RAB7A: variants seen among roughly 807,000 people sequenced by gnomAD.
RAB7A encodes the protein ras-related protein Rab-7a.
Under a neutral mutation model 24.5 loss-of-function variants are expected in RAB7A, and 2 were observed. The observed-to-expected ratio is 0.08, with a 90% CI of 0.03 to 0.26. The LOEUF (loss-of-function observed/expected upper bound fraction) is 0.26, where lower values mean the gene tolerates loss of function less well. Among genes scored for constraint, RAB7A ranks in the 10% least tolerant of loss-of-function variants. RAB7A has a pLI of 1.00. For missense variants in RAB7A, 118 were observed against 255.7 expected, an observed-to-expected ratio of 0.46 and a Z score of 3.67; for synonymous variants, 100 against 95.9, an observed-to-expected ratio of 1.04 and a Z score of -0.25.
intron 1 of RAB7A, among the ~76,000 whole-genome samples, chr3:128,791,857 G>A (rs921103435): frequency 6.6e-6 from 1 of 152,126 alleles, no homozygotes; most frequent in African/African-American, 2.4e-5. Context: ...TGCAAGAACT[G>A]CTGCTGCTGA....
At chr3:128,772,957 C>A (rs1373587323) in intron 1 of RAB7A, among the ~76,000 whole-genome samples, 1 of 152,196 alleles carries the variant, frequency 6.6e-6, no homozygotes, top group East Asian at 1.9e-4. Flanking sequence ...CACCTCCCAG[C>A]CGCCTGCCTT....
At chr3:128,734,341 C>T (rs140313805) in intron 1 of RAB7A, among the ~76,000 whole-genome samples, 60 of 150,416 alleles carry the variant, frequency 4.0e-4, no homozygotes, top group African/African-American at 1.4e-3. Flanking sequence ...TGAGACATGA[C>T]AATCGCTCGA....
intron 1 of RAB7A, among the ~76,000 whole-genome samples, chr3:128,776,962 A>G (rs1933106015): frequency 6.6e-6 from 1 of 151,524 alleles, no homozygotes; most frequent in African/African-American, 2.4e-5. Flanking sequence ...ACACACACAC[A>G]CACACACACA....
chr3:128,768,969 CTTTTTTTT>C (rs35457218), intron 1 of RAB7A, among the ~76,000 whole-genome samples: 145 of 72,612 alleles, frequency 2.0e-3, no homozygotes, highest in Admixed American at 9.3e-3. Flanking sequence ...TCTTTCTTTC[CTTTTTTTT>C]TTTTTTTTTT....
intron 1 of RAB7A, among the ~76,000 whole-genome samples, chr3:128,744,317 A>T (rs756682065): frequency 4.6e-5 from 7 of 152,206 alleles, no homozygotes; most frequent in African/African-American, 7.2e-5. Flanking sequence ...AATAACTGAG[A>T]TGAAAACTTT....
chr3:128,758,439 A>ATT (rs71618163), intron 1 of RAB7A, among the ~76,000 whole-genome samples: 1 of 150,250 alleles, frequency 6.7e-6, no homozygotes, highest in Non-Finnish European at 1.5e-5. Context: ...CGCCCAGCTA[A>ATT]TTTTTTTTTG....
intron 1 of RAB7A, among the ~76,000 whole-genome samples, chr3:128,755,865 C>A (rs1309641246): frequency 6.6e-6 from 1 of 151,908 alleles, no homozygotes; most frequent in African/African-American, 2.4e-5. Flanking sequence ...TGTGCTGCAC[C>A]CATTAACTCG....
At chr3:128,737,566 G>A (rs1476014213) in intron 1 of RAB7A, among the ~76,000 whole-genome samples, 1 of 149,942 alleles carries the variant, frequency 6.7e-6, no homozygotes, top group Non-Finnish European at 1.5e-5. Context: ...GGCTGGTCTC[G>A]AACTCCTGAG....
intron 1 of RAB7A, among the ~76,000 whole-genome samples, chr3:128,763,209 T>TATATATATATATA (rs1553718917): frequency 1.6e-5 from 1 of 62,340 alleles, no homozygotes; most frequent in African/African-American, 1.1e-4. Context: ...TATATATATA[T>TATATATATATATA]TTTTTTTTTT....
intron 1 of RAB7A, among the ~76,000 whole-genome samples, chr3:128,787,501 A>G (rs1220084860): frequency 1.3e-5 from 2 of 152,104 alleles, no homozygotes; most frequent in African/African-American, 4.8e-5. Flanking sequence ...GCATGGTAGG[A>G]CCTGGGCTGA....
chr3:128,784,328 C>T (rs1045665522), intron 1 of RAB7A, among the ~76,000 whole-genome samples: 1 of 152,216 alleles, frequency 6.6e-6, no homozygotes, highest in Non-Finnish European at 1.5e-5. Flanking sequence ...CGTTTTCCCT[C>T]ATTTCCCATA....
chr3:128,785,959 G>A (rs549223461), intron 1 of RAB7A, among the ~76,000 whole-genome samples: 1 of 152,230 alleles, frequency 6.6e-6, no homozygotes, highest in East Asian at 1.9e-4. Flanking sequence ...CTTCCCGAGT[G>A]CCCCCAAATG....
chr3:128,798,677 G>T (rs1040754208), intron 3 of RAB7A, among the ~76,000 whole-genome samples: 10 of 151,314 alleles, frequency 6.6e-5, no homozygotes, highest in African/African-American at 2.4e-4. Flanking sequence ...GAGTCATTTT[G>T]TTTGTATACA....
intron 1 of RAB7A, among the ~76,000 whole-genome samples, chr3:128,781,016 A>G (rs1012083948): frequency 9.2e-5 from 14 of 152,336 alleles, no homozygotes; most frequent in Non-Finnish European, 1.3e-4. Flanking sequence ...GTGACTCTCT[A>G]CTGCCCTGTT....
intron 1 of RAB7A, among the ~76,000 whole-genome samples, chr3:128,787,867 A>G (rs1287957122): frequency 1.3e-5 from 2 of 152,186 alleles, no homozygotes; most frequent in African/African-American, 2.4e-5. Flanking sequence ...GTGTACCACC[A>G]TGCCCAGGTA....
intron 5 of RAB7A, among the ~76,000 whole-genome samples, chr3:128,811,940 T>C (rs1288270281): frequency 6.6e-6 from 1 of 152,036 alleles, no homozygotes; most frequent in Non-Finnish European, 1.5e-5. Context: ...GTGTCCAGAA[T>C]AATAGGCAAC....
chr3:128,741,794 A>G (rs1227340969), intron 1 of RAB7A, among the ~76,000 whole-genome samples: 1 of 152,184 alleles, frequency 6.6e-6, no homozygotes, highest in Non-Finnish European at 1.5e-5. Flanking sequence ...ACATACACGC[A>G]TACATATACA....
chr3:128,731,115 C>G (rs1278869975), intron 1 of RAB7A, among the ~76,000 whole-genome samples: 1 of 152,118 alleles, frequency 6.6e-6, no homozygotes, highest in Non-Finnish European at 1.5e-5. Context: ...GATCAGGAGT[C>G]CTTTAAAAGT....
chr3:128,726,625 G>A (rs1166043262), intron 1 of RAB7A, among the ~76,000 whole-genome samples: 2 of 152,166 alleles, frequency 1.3e-5, no homozygotes, highest in African/African-American at 4.8e-5. Context: ...CTGTTGGCCT[G>A]GATCTCAGAG....
Sources: gnomAD v4.1 joint callset for allele counts (sites outside exome capture counted in the v4.1 genomes callset) on GRCh38, gnomAD v4.1.1 for gene constraint, MANE v1.5 for transcripts, NCBI Gene and HGNC (gene_info 2026-07-23, HGNC 2026-07-21) for gene names.